Variants in SVIL observed in about 807,000 individuals in gnomAD.
SVIL encodes archvillin.
SVIL carries 101 observed loss-of-function variants against 240.4 expected under a neutral mutation model. The ratio of observed to expected loss-of-function variants is 0.42; its 90% CI spans 0.36 to 0.50. SVIL has a LOEUF of 0.50. Ranked by LOEUF, SVIL falls within the 20% of genes least tolerant of loss-of-function variation. SVIL has a pLI of 0.01. For synonymous variants in SVIL, 999 were observed against 1,100.0 expected, an observed-to-expected ratio of 0.91 and a Z score of 1.82; for missense variants, 2,512 against 2,818.7, an observed-to-expected ratio of 0.89 and a Z score of 2.46.
rs1387228697 is a variant in SVIL at position 29,673,663 on chromosome 10, G to A, written c.-301+12890C>T. ...TCAGATCTTGCGAGAACTCACTATCGCGAGAACTCACTATCACGAGAACAG... is the reference window on the plus strand; with the variant it reads ...TCAGATCTTGCGAGAACTCACTATCACGAGAACTCACTATCACGAGAACAG... On this transcript the variant is annotated intron_variant, in intron 2 of 35. Coordinates refer to the SVIL transcript ENST00000375400. Among the ~76,000 whole-genome samples, 12 of 151,844 alleles carry A rather than the reference G, an allele frequency of 7.9e-5. No individual in the cohort carries two copies. The East Asian group carries it at 1.4e-3, about 17-fold the overall frequency.
intron 1 of SVIL, among the ~76,000 whole-genome samples, chr10:29,596,037 C>T (rs933711298): frequency 5.9e-5 from 9 of 152,222 alleles, no homozygotes; most frequent in Non-Finnish European, 1.3e-4. Flanking sequence ...TGAGGCCAGC[C>T]TGTGTGCATG....
chr10:29,539,871 C>T (rs1192513615), intron 6 of SVIL, among the ~76,000 whole-genome samples: 2 of 152,180 alleles, frequency 1.3e-5, no homozygotes, highest in Non-Finnish European at 2.9e-5. Flanking sequence ...ATCCCTGCTT[C>T]GAGTTGCCTT....
intron 1 of SVIL, chr10:29,576,249 C>T: frequency 2.8e-6 from 1 of 360,102 alleles, no homozygotes; most frequent in Non-Finnish European, 3.9e-6. Flanking sequence ...CTTGTGCACT[C>T]TTCTTCTCAA....
chr10:29,638,734 A>T (rs1958389791), upstream of SVIL, among the ~76,000 whole-genome samples: 1 of 152,188 alleles, frequency 6.6e-6, no homozygotes. Context: ...AATGGAAAGC[A>T]TTGCTTTCCA....
chr10:29,712,050 A>G (rs1963327247), intron 1 of SVIL: 1 of 152,170 alleles, frequency 6.6e-6, no homozygotes, highest in African/African-American at 2.4e-5. Flanking sequence ...AAAATTTTAA[A>G]GAAAAAGATA....
At chr10:29,483,359 T>C (rs146570572) in intron 27 of SVIL, 1 of 152,334 alleles carries the variant, frequency 6.6e-6, no homozygotes, top group East Asian at 1.9e-4. Context: ...GGTTTCAGCC[T>C]CATTTGCTAA....
chr10:29,500,414 A>G (rs1488140629), intron 17 of SVIL, among the ~76,000 whole-genome samples: 1 of 152,154 alleles, frequency 6.6e-6, no homozygotes, highest in East Asian at 1.9e-4. Flanking sequence ...TGCCCCCTCC[A>G]GAGCAGAAGG....
chr10:29,597,060 C>T (rs981608201), intron 1 of SVIL, among the ~76,000 whole-genome samples: 1 of 152,188 alleles, frequency 6.6e-6, no homozygotes, highest in African/African-American at 2.4e-5. Context: ...TCTCTAAAAA[C>T]GGTAATTCGG....
chr10:29,693,821 C>A (rs370071187), intron 1 of SVIL, among the ~76,000 whole-genome samples: 3 of 152,210 alleles, frequency 2.0e-5, no homozygotes, highest in East Asian at 1.9e-4. Context: ...AAGTTCCTTA[C>A]CCACATTAAT....
At chr10:29,521,365 G>A (rs1157030714) in intron 16 of SVIL, among the ~76,000 whole-genome samples, 2 of 152,170 alleles carry the variant, frequency 1.3e-5, no homozygotes, top group Non-Finnish European at 2.9e-5. Context: ...CCGTGTGGTG[G>A]GAGGTGCTGA....
rs1275747429 is a variant in SVIL, at chr10:29,553,185, A to G, written c.160+1598T>C. Among the ~76,000 whole-genome samples the G allele has an allele frequency of 2.0e-5, 3 of 148,780 alleles. No individual in the cohort carries two copies. In the South Asian group the frequency reaches 6.5e-4, roughly 32 times the overall value. On this transcript the variant is annotated intron_variant, in intron 5 of 37. Transcript: ENST00000355867. The stretch of plus-strand genomic sequence containing the variant: ...ATCTTAGTTTTCTAGCTTTCTGGCC[A>G]CAGGAAATTGGAAACTGTAGAGACA...
chr10:29,712,082 T>A (rs1349522552), intron 1 of SVIL: 2 of 152,128 alleles, frequency 1.3e-5, no homozygotes, highest in African/African-American at 4.8e-5. Context: ...CTATTTTGAG[T>A]GATGCTGCAG....
intron 1 of SVIL, among the ~76,000 whole-genome samples, chr10:29,621,378 G>T (rs770340731): frequency 1.3e-5 from 2 of 152,256 alleles, no homozygotes; most frequent in Non-Finnish European, 2.9e-5. Context: ...AGCTCTGTGC[G>T]TTGGCAGGGA....
intron 1 of SVIL, among the ~76,000 whole-genome samples, chr10:29,627,713 A>G (rs1331549418): frequency 1.3e-5 from 2 of 152,234 alleles, no homozygotes; most frequent in East Asian, 3.8e-4. Context: ...ATACAAATCC[A>G]AATTAATAAA....
chr10:29,618,718 G>A (rs1564706721), intron 1 of SVIL, among the ~76,000 whole-genome samples: 2 of 150,882 alleles, frequency 1.3e-5, no homozygotes, highest in African/African-American at 4.8e-5. Flanking sequence ...AGCTCTTGCA[G>A]CAGATTTTTT....
intron 18 of SVIL, among the ~76,000 whole-genome samples, chr10:29,497,113 A>G (rs1948504995): frequency 6.6e-6 from 1 of 152,160 alleles, no homozygotes; most frequent in African/African-American, 2.4e-5. Context: ...GTAAGAATAG[A>G]TTTGTTAGAA....
chr10:29,726,275 A>G (rs112687631), intron 1 of SVIL, among the ~76,000 whole-genome samples: 48 of 152,068 alleles, frequency 3.2e-4, no homozygotes, highest in African/African-American at 1.1e-3. Context: ...TTCCTTCTTT[A>G]TGTGCAGAGA....
At chr10:29,490,526 T>C (rs1188753048) in intron 22 of SVIL, among the ~76,000 whole-genome samples, 4 of 150,802 alleles carry the variant, frequency 2.7e-5, no homozygotes, top group African/African-American at 7.3e-5. Flanking sequence ...GGTGGGAGGA[T>C]TGTTTGAGGC....
chr10:29,522,502 A>G lies in SVIL; in HGVS notation c.3297T>C (p.Asn1099=). The part of the protein sequence containing the change: ...SEQPQEKLCK[N]PCAMFAAGEI... ...CTCCAGCAGCAAACATCGCACATGGATTCTTGCAGAGCTTCTCCTGTGGCT... is the reference window on the plus strand; with the variant it reads ...CTCCAGCAGCAAACATCGCACATGGGTTCTTGCAGAGCTTCTCCTGTGGCT... The change falls in exon 16 of 38, where the codon AAT becomes AAC. Residue 1099 remains asparagine (N), a synonymous_variant. Transcript: ENST00000355867. 1 of 1,614,156 alleles carries G rather than the reference A, an allele frequency of 6.2e-7. No individual in the cohort carries two copies. Among genetic ancestry groups the G allele is most frequent in the Non-Finnish European group, 8.5e-7 (1 of 1,180,018 alleles).
Sources: gnomAD v4.1 joint callset for allele counts (sites outside exome capture counted in the v4.1 genomes callset) on GRCh38, gnomAD v4.1.1 for gene constraint, MANE v1.5 for transcripts, NCBI Gene and HGNC (gene_info 2026-07-23, HGNC 2026-07-21) for gene names.